Variants in NFIL3 observed in about 807,000 individuals in gnomAD.
NFIL3 encodes nuclear factor, interleukin 3 regulated.
Under a neutral mutation model 10.0 loss-of-function variants are expected in NFIL3, and 5 were observed. The ratio of observed to expected loss-of-function variants is 0.50; its 90% confidence interval spans 0.26 to 1.06. NFIL3 has a LOEUF of 1.06. Among genes scored for constraint, NFIL3 ranks in the 50% least tolerant of loss-of-function variants. NFIL3 has a pLI of 0.13. For missense variants in NFIL3, 436 were observed against 547.6 expected (o/e 0.80, Z 2.03); for synonymous variants, 202 against 206.5 (o/e 0.98, Z 0.19).
the NFIL3 span, among the ~76,000 whole-genome samples, chr9:91,433,685 A>T: frequency 6.6e-6 from 1 of 152,156 alleles, no homozygotes; most frequent in Admixed American, 6.5e-5. Flanking sequence ...GAGAAACACA[A>T]ACCTCGATTT....
chr9:91,455,473 T>C, the NFIL3 span, among the ~76,000 whole-genome samples: 1 of 152,336 alleles, frequency 6.6e-6, no homozygotes, highest in South Asian at 2.1e-4. Flanking sequence ...TATCATTCTG[T>C]ATTTTGTGGC....
intron 1 of NFIL3, among the ~76,000 whole-genome samples, chr9:91,416,107 T>C (rs1266370403): frequency 6.6e-6 from 1 of 151,870 alleles, no homozygotes; most frequent in African/African-American, 2.4e-5. Context: ...TTATGTTAAA[T>C]AGAGAAAAAG....
chr9:91,443,547 G>A, the NFIL3 span, among the ~76,000 whole-genome samples: 7 of 152,220 alleles, frequency 4.6e-5, no homozygotes, highest in African/African-American at 9.6e-5. Flanking sequence ...GGCGGCAGGG[G>A]GCTAACATGT....
At chr9:91,431,478 ATCCT>A in the NFIL3 span, among the ~76,000 whole-genome samples, 8 of 152,318 alleles carry the variant, frequency 5.3e-5, no homozygotes, top group South Asian at 4.1e-4. Flanking sequence ...AAGATGTTTC[ATCCT>A]TCTACCATTC....
In NFIL3 at chr9:91,410,035, C is replaced by T; in HGVS notation, c.700G>A (p.Asp234Asn). The change falls in exon 2 of 2, where the codon GAT becomes AAT. Residue 234 changes from aspartate (D) to asparagine (N), a missense_variant. Physicochemically the swap from Asp to Asn is conservative, Grantham distance 23. Coordinates refer to ENST00000297689, the MANE Select transcript of NFIL3 (RefSeq NM_005384.3). This position sits in a 1 kb window ranked among gnomAD's most constrained non-coding sequence, Gnocchi z 5.7. ...ELESYTREPR[D>N]DRGSYTASIY... ...GACGCTGTGTAAGAGCCTCGGTCAT[C>T]TCTTGGCTCCCTTGTGTAGCTCTCT... 1 of 1,612,736 alleles carries T rather than the reference C, an allele frequency of 6.2e-7. No homozygotes were observed. Among genetic ancestry groups the T allele is most frequent in the Non-Finnish European group, 8.5e-7 (1 of 1,179,940 alleles).
the NFIL3 span, among the ~76,000 whole-genome samples, chr9:91,439,484 C>CTGATT: frequency 0.14 from 21,290 of 151,882 alleles, 1,628 homozygotes; most frequent in East Asian, 0.34. Flanking sequence ...TCTTTCCTTT[C>CTGATT]TAATTGCCTT....
chr9:91,428,219 T>G (rs926277395), upstream of NFIL3, among the ~76,000 whole-genome samples: 1 of 152,196 alleles, frequency 6.6e-6, no homozygotes, highest in Admixed American at 6.5e-5. Flanking sequence ...TTTGTTGACC[T>G]TTTTTCTTTT....
chr9:91,439,346 G>T, the NFIL3 span, among the ~76,000 whole-genome samples: 9 of 152,062 alleles, frequency 5.9e-5, no homozygotes, highest in East Asian at 1.5e-3. Context: ...ACTGATTTTT[G>T]TATGTTGATT....
the NFIL3 span, among the ~76,000 whole-genome samples, chr9:91,469,620 G>A: frequency 5.9e-5 from 9 of 152,208 alleles, no homozygotes; most frequent in East Asian, 1.5e-3. Context: ...GTTTTCAAAG[G>A]GAATGCTTCC....
the NFIL3 span, among the ~76,000 whole-genome samples, chr9:91,463,379 G>A: frequency 1.3e-5 from 2 of 151,026 alleles, no homozygotes; most frequent in Non-Finnish European, 3.0e-5. Flanking sequence ...ACTGTTGATA[G>A]GTTGTAATTT....
chr9:91,430,993 A>G, the NFIL3 span, among the ~76,000 whole-genome samples: 1 of 152,226 alleles, frequency 6.6e-6, no homozygotes, highest in Non-Finnish European at 1.5e-5. Context: ...ACATAAAGCC[A>G]GGCCTAGCAA....
At chr9:91,423,381 C>A (rs918700006) in intron 1 of NFIL3, among the ~76,000 whole-genome samples, 1 of 152,136 alleles carries the variant, frequency 6.6e-6, no homozygotes, top group Non-Finnish European at 1.5e-5. Context: ...GGGGGGAGAG[C>A]GCAAACCAGC....
the NFIL3 span, among the ~76,000 whole-genome samples, chr9:91,446,570 A>T: frequency 6.6e-6 from 1 of 152,294 alleles, no homozygotes; most frequent in South Asian, 2.1e-4. Context: ...AACCATTTTC[A>T]TCCTTCCAAA....
At chr9:91,480,888 A>G in the NFIL3 span, among the ~76,000 whole-genome samples, 2 of 152,362 alleles carry the variant, frequency 1.3e-5, no homozygotes, top group African/African-American at 4.8e-5. Context: ...TAGGACTCAG[A>G]GTAAATAATA....
At chr9:91,412,418 A>AT (rs772417984) in intron 1 of NFIL3, among the ~76,000 whole-genome samples, 64 of 152,288 alleles carry the variant, frequency 4.2e-4, no homozygotes, top group South Asian at 1.4e-3. Context: ...GGGCTTTTGA[A>AT]TTTAACTGTG....
At chr9:91,418,111 A>G (rs1030684929) in intron 1 of NFIL3, among the ~76,000 whole-genome samples, 2 of 152,222 alleles carry the variant, frequency 1.3e-5, no homozygotes, top group Admixed American at 6.5e-5. Context: ...TTAATACACA[A>G]TTAAATTATT....
chr9:91,412,641 C>A (rs542726388), intron 1 of NFIL3, among the ~76,000 whole-genome samples: 1 of 152,074 alleles, frequency 6.6e-6, no homozygotes, highest in Non-Finnish European at 1.5e-5. Flanking sequence ...GTCAGGAGTT[C>A]GAGACCAGCC....
intron 1 of NFIL3, among the ~76,000 whole-genome samples, chr9:91,421,994 A>G (rs1197974177): frequency 6.6e-6 from 1 of 152,166 alleles, no homozygotes; most frequent in African/African-American, 2.4e-5. Flanking sequence ...AAAACAATCT[A>G]CTAACCTATA....
At chr9:91,481,172 T>C in the NFIL3 span, among the ~76,000 whole-genome samples, 1 of 152,240 alleles carries the variant, frequency 6.6e-6, no homozygotes, top group Non-Finnish European at 1.5e-5. Context: ...TCCCAAGGGA[T>C]AATACATTTT....
Sources: allele counts gnomAD v4.1 joint callset (sites outside exome capture counted in the v4.1 genomes callset), GRCh38; gene constraint gnomAD v4.1.1; non-coding constraint Gnocchi (gnomAD v3.1); transcripts MANE v1.5; gene names NCBI Gene and HGNC (gene_info 2026-07-23, HGNC 2026-07-21).